The following ASAH1 variants were observed in gnomAD, a reference collection of about 807,000 sequenced individuals.
The protein encoded by ASAH1 is N-acylsphingosine amidohydrolase 1, also known as acid ceramidase.
ASAH1 carries 70 observed loss-of-function variants against 59.5 expected under a neutral mutation model. That is an observed-to-expected ratio of 1.18 (90% CI 0.97 to 1.43). ASAH1 has a LOEUF of 1.43. Ranked by LOEUF, ASAH1 falls within the 40% of genes most tolerant of loss-of-function variation. The pLI is 0.00. For synonymous variants in ASAH1, 213 were observed against 166.5 expected (o/e 1.28, Z -2.15); for missense variants, 660 against 482.5 (o/e 1.37, Z -3.45).
At chr8:18,064,625 G>A in intron 5 of ASAH1, 94 bp from the exon 6 acceptor site, 1 of 782,750 alleles carries the variant, frequency 1.3e-6, no homozygotes, top group South Asian at 1.5e-5. Flanking sequence ...TTCATTGTGT[G>A]AGTGTGTGCT....
chr8:18,084,335 C>T (rs886669886), upstream of ASAH1: 26 of 1,418,044 alleles, frequency 1.8e-5, no homozygotes, highest in African/African-American at 4.3e-5. Context: ...GTGATCCATC[C>T]CCCTCCCCCA....
intron 7 of ASAH1, 37 bp downstream of exon 7, chr8:18,063,148 G>A (rs772876551): frequency 2.5e-6 from 4 of 1,603,974 alleles, no homozygotes; most frequent in Non-Finnish European, 3.4e-6. Flanking sequence ...GATTACAGGC[G>A]TGAACCACCA....
intron 1 of ASAH1, among the ~76,000 whole-genome samples, chr8:18,081,704 G>A (rs752869262): frequency 7.2e-5 from 11 of 152,144 alleles, no homozygotes; most frequent in African/African-American, 2.7e-4. Flanking sequence ...CAAATGACTT[G>A]TTTCCAATTT....
intron 6 of ASAH1, chr8:18,063,724 T>A (rs1018422827): frequency 6.4e-6 from 1 of 156,706 alleles, no homozygotes; most frequent in Non-Finnish European, 1.4e-5. Flanking sequence ...TGTCACCGTC[T>A]ATCTGCCAGA....
intron 1 of ASAH1, among the ~76,000 whole-genome samples, chr8:18,081,432 T>C (rs1477444386): frequency 6.6e-6 from 1 of 152,230 alleles, no homozygotes; most frequent in African/African-American, 2.4e-5. Flanking sequence ...AACCATCTAA[T>C]GGCCTCCCAT....
intron 5 of ASAH1, 89 bp downstream of exon 5, chr8:18,067,131 C>T: frequency 7.0e-6 from 4 of 568,132 alleles, no homozygotes; most frequent in South Asian, 5.1e-5. Flanking sequence ...AGACATACAG[C>T]ACCTGTGCTG....
At chr8:18,067,374 T>A (rs1218009156) in intron 4 of ASAH1, 76 bp from the exon 5 acceptor site, 5 of 920,762 alleles carry the variant, frequency 5.4e-6, no homozygotes, top group Non-Finnish European at 5.8e-6. Context: ...TAAACAAATA[T>A]AATAAAAGCA....
At chr8:18,084,574 T>C (rs1800817584), upstream of ASAH1, 3 of 1,555,544 alleles carry the variant, frequency 1.9e-6, no homozygotes, top group African/African-American at 1.4e-5. Context: ...TGAGTTGAGT[T>C]ATTCATCCCC....
intron 2 of ASAH1, among the ~76,000 whole-genome samples, chr8:18,074,697 A>G (rs939449439): frequency 6.6e-5 from 10 of 152,188 alleles, no homozygotes; most frequent in African/African-American, 2.4e-4. Context: ...AACACTGAGG[A>G]TTTGGAAAGA....
At chr8:18,080,176 C>G (rs1800593028) in intron 1 of ASAH1, among the ~76,000 whole-genome samples, 1 of 152,222 alleles carries the variant, frequency 6.6e-6, no homozygotes. Context: ...GCGTGAAAAT[C>G]ATTGCTAAAG....
rs184246775 is a variant in ASAH1, at chr8:18,069,873, C to T, written c.222G>A (p.Lys74=). 9.5e-6 allele frequency: 15 copies of T among 1,577,118 alleles called. No individual in the cohort carries two copies. Among genetic ancestry groups the T allele is most frequent in the Non-Finnish European group, 1.2e-5 (14 of 1,150,558 alleles). Residue 74 remains lysine (K), a synonymous_variant, in exon 4 of 14, where the codon AAG becomes AAA. Coordinates refer to ENST00000637790, the MANE Select transcript of ASAH1 (RefSeq NM_177924.5). ...ELMLDKAPVL[K]VIVNSLKNMI... Reference sequence around the variant, plus strand: ...TATTCTTCAGAGAATTCACTATAACCTTTAGCTGAAAAATAAATAAAATGC... The same window carrying T: ...TATTCTTCAGAGAATTCACTATAACTTTTAGCTGAAAAATAAATAAAATGC...
At chr8:18,079,887 C>T (rs774064838) in intron 1 of ASAH1, among the ~76,000 whole-genome samples, 23 of 152,320 alleles carry the variant, frequency 1.5e-4, no homozygotes, top group Non-Finnish European at 2.8e-4. Context: ...AATGTTTTCA[C>T]TTGTCTTCTG....
intron 1 of ASAH1, among the ~76,000 whole-genome samples, chr8:18,078,718 T>A (rs1293907245): frequency 6.6e-6 from 1 of 152,188 alleles, no homozygotes; most frequent in Non-Finnish European, 1.5e-5. Flanking sequence ...CAGACAACTC[T>A]ATTAAGGCAG....
chr8:18,057,656 T>C, intron 13 of ASAH1, 33 bp from the exon 14 acceptor site: 1 of 1,491,104 alleles, frequency 6.7e-7, no homozygotes. Flanking sequence ...TTTAAGGACG[T>C]TTTCAATTCA....
intron 10 of ASAH1, 163 bp downstream of exon 10, chr8:18,061,214 C>T: frequency 1.7e-6 from 1 of 605,180 alleles, no homozygotes; most frequent in Non-Finnish European, 2.9e-6. Context: ...ACACAGTCTG[C>T]ACGAAGAAAA....
intron 1 of ASAH1, among the ~76,000 whole-genome samples, chr8:18,078,527 C>A (rs921955506): frequency 6.6e-6 from 1 of 151,990 alleles, no homozygotes; most frequent in African/African-American, 2.4e-5. Flanking sequence ...GTCGTTTATG[C>A]AAAAAGGTTA....
chr8:18,071,138 C>T (rs1019459103), intron 3 of ASAH1, among the ~76,000 whole-genome samples, 162 bp downstream of exon 3: 24 of 151,294 alleles, frequency 1.6e-4, no homozygotes, highest in African/African-American at 4.9e-4. Flanking sequence ...ACCCAGGAGG[C>T]GGAGGTTGCG....
In ASAH1 at chr8:18,070,722, G is replaced by A. The variant is rs528515614; in HGVS notation, c.216+578C>T. Among the ~76,000 whole-genome samples the A allele has an allele frequency of 2.6e-5, 4 of 152,358 alleles. No individual in the cohort carries two copies. In the East Asian group the frequency reaches 7.7e-4, roughly 29 times the overall value. ...TTTACAAAAAAGAACAAAGGCTACA[G>A]AGGAATGACCTCTTTTCCTCTGCTG... On this transcript the variant is annotated intron_variant, in intron 3 of 13. Transcript: ENST00000637790.
upstream of ASAH1, chr8:18,084,829 C>G (rs1482308255): frequency 1.2e-6 from 2 of 1,611,180 alleles, no homozygotes; most frequent in African/African-American, 1.3e-5. Context: ...TCCTAACTGG[C>G]GAAGGACTCA....
Sources: gnomAD v4.1 joint callset for allele counts (sites outside exome capture counted in the v4.1 genomes callset) on GRCh38, gnomAD v4.1.1 for gene constraint, MANE v1.5 for transcripts, NCBI Gene and HGNC (gene_info 2026-07-23, HGNC 2026-07-21) for gene names.